NXPH1: variants seen among roughly 807,000 people sequenced by gnomAD.
The protein encoded by NXPH1 is neurexophilin-1.
Under a neutral mutation model 23.7 loss-of-function variants are expected in NXPH1, and 5 were observed. That is an observed-to-expected ratio of 0.21 (90% confidence interval 0.11 to 0.44). The LOEUF (loss-of-function observed/expected upper bound fraction) is 0.44, where lower values mean the gene tolerates loss of function less well. Ranked by LOEUF, NXPH1 falls within the 20% of genes least tolerant of loss-of-function variation. The pLI, the probability that NXPH1 is intolerant of heterozygous loss-of-function variation, is 0.99. For synonymous variants in NXPH1, 144 were observed against 122.2 expected, an observed-to-expected ratio of 1.18 and a Z score of -1.18; for missense variants, 324 against 321.6, an observed-to-expected ratio of 1.01 and a Z score of -0.06.
At chr7:8,720,420 A>G (rs1562464735) in intron 2 of NXPH1, among the ~76,000 whole-genome samples, 1 of 152,208 alleles carries the variant, frequency 6.6e-6, no homozygotes, top group South Asian at 2.1e-4. Context: ...TGTGGGGATC[A>G]ACCCACTCAC....
At chr7:8,566,479 G>C (rs1413396185) in intron 2 of NXPH1, among the ~76,000 whole-genome samples, 1 of 151,738 alleles carries the variant, frequency 6.6e-6, no homozygotes, top group Non-Finnish European at 1.5e-5. Context: ...AAGTAGTGAG[G>C]ATCTACCTTA....
intron 2 of NXPH1, among the ~76,000 whole-genome samples, chr7:8,658,845 G>A (rs572759095): frequency 6.6e-6 from 1 of 152,146 alleles, no homozygotes; most frequent in Non-Finnish European, 1.5e-5. Flanking sequence ...AGGTAGAATA[G>A]ATGATTTTGG....
chr7:8,685,665 C>G (rs1163692571), intron 2 of NXPH1, among the ~76,000 whole-genome samples: 1 of 151,984 alleles, frequency 6.6e-6, no homozygotes, highest in Non-Finnish European at 1.5e-5. Flanking sequence ...CAAATTTTAG[C>G]TTTCTGAGAA....
chr7:8,445,863 AGTG>A (rs1816395640), intron 2 of NXPH1, among the ~76,000 whole-genome samples: 3 of 152,232 alleles, frequency 2.0e-5, no homozygotes, highest in Admixed American at 2.0e-4. Flanking sequence ...TGTTTATGTC[AGTG>A]TTTTCAGCTA....
chr7:8,617,711 A>C (rs1819775312), intron 2 of NXPH1, among the ~76,000 whole-genome samples: 2 of 152,134 alleles, frequency 1.3e-5, no homozygotes, highest in South Asian at 4.1e-4. Context: ...AGAAAGAACA[A>C]ATAAAACCTA....
intron 2 of NXPH1, among the ~76,000 whole-genome samples, chr7:8,679,354 A>G (rs1821015708): frequency 6.6e-6 from 1 of 152,248 alleles, no homozygotes; most frequent in African/African-American, 2.4e-5. Flanking sequence ...CTAGACAAAT[A>G]TAATTTCAAG....
chr7:8,705,643 G>A (rs1008211155), intron 2 of NXPH1, among the ~76,000 whole-genome samples: 3 of 152,102 alleles, frequency 2.0e-5, no homozygotes, highest in African/African-American at 7.2e-5. Context: ...CCCATATGCG[G>A]TTTCTTTATT....
chr7:8,574,705 C>T (rs986592057), intron 2 of NXPH1, among the ~76,000 whole-genome samples: 1 of 152,138 alleles, frequency 6.6e-6, no homozygotes, highest in Admixed American at 6.6e-5. Flanking sequence ...GTTTCAAATT[C>T]AACTTGATCT....
At chr7:8,589,219 A>G (rs919764737) in intron 2 of NXPH1, among the ~76,000 whole-genome samples, 1 of 152,118 alleles carries the variant, frequency 6.6e-6, no homozygotes, top group South Asian at 2.1e-4. Context: ...AAAGTATAAG[A>G]TGAAAATGGA....
At chr7:8,665,185 G>A (rs1284319996) in intron 2 of NXPH1, among the ~76,000 whole-genome samples, 1 of 151,888 alleles carries the variant, frequency 6.6e-6, no homozygotes, top group East Asian at 1.9e-4. Flanking sequence ...TCCATTTTAA[G>A]TTGATTTTTG....
At chr7:8,484,055 C>T (rs1020088706) in intron 2 of NXPH1, among the ~76,000 whole-genome samples, 9 of 150,198 alleles carry the variant, frequency 6.0e-5, no homozygotes, top group Non-Finnish European at 1.0e-4. Flanking sequence ...CTTCAGTAAG[C>T]CTTGAATCTT....
At position 8,435,373 on chromosome 7, in the gene NXPH1, G is replaced by C. The variant is rs1584152496; in HGVS notation, c.-110-231G>C. 5 of 391,474 alleles carry C rather than the reference G, an allele frequency of 1.3e-5. No individual in the cohort carries two copies. Among genetic ancestry groups the C allele is most frequent in the South Asian group, 5.6e-5 (2 of 35,800 alleles). 24.3% of individuals were successfully genotyped at this position (391,474 alleles called of 1,614,324 possible). ...GGGAACTCGCACCCGAGGAGCGCAGGGGGCAAGGAGCCCCTCACCCTCCCT... is the reference window on the plus strand; with the variant it reads ...GGGAACTCGCACCCGAGGAGCGCAGCGGGCAAGGAGCCCCTCACCCTCCCT... On this transcript the variant is annotated intron_variant, in intron 1 of 2. Transcript: ENST00000405863. This position sits in a 1 kb window ranked among gnomAD's most constrained non-coding sequence, Gnocchi z 5.9.
At chr7:8,459,730 C>T (rs1196611295) in intron 2 of NXPH1, among the ~76,000 whole-genome samples, 4 of 152,072 alleles carry the variant, frequency 2.6e-5, no homozygotes, top group Admixed American at 6.5e-5. Flanking sequence ...TAAGGAAAAT[C>T]TAGGGGAAAA....
At chr7:8,551,225 A>T (rs1396159157) in intron 2 of NXPH1, among the ~76,000 whole-genome samples, 1 of 151,516 alleles carries the variant, frequency 6.6e-6, no homozygotes, top group Non-Finnish European at 1.5e-5. Context: ...ACTATTTGTC[A>T]TCTGTGTTTC....
chr7:8,512,505 G>T (rs1233775011), intron 2 of NXPH1, among the ~76,000 whole-genome samples: 1 of 151,976 alleles, frequency 6.6e-6, no homozygotes, highest in Non-Finnish European at 1.5e-5. Flanking sequence ...TTTTGGTAGG[G>T]GATATTTGAG....
intron 2 of NXPH1, among the ~76,000 whole-genome samples, chr7:8,575,982 G>A (rs1818747079): frequency 6.6e-6 from 1 of 152,090 alleles, no homozygotes; most frequent in South Asian, 2.1e-4. Flanking sequence ...AAGATTATTA[G>A]AGAGATTTTA....
chr7:8,697,903 AT>A (rs1779560438), intron 2 of NXPH1, among the ~76,000 whole-genome samples: 1 of 152,204 alleles, frequency 6.6e-6, no homozygotes, highest in African/African-American at 2.4e-5. Context: ...GATCACAGAG[AT>A]GACTCCTATA....
At chr7:8,644,484 C>T (rs1253468411) in intron 2 of NXPH1, among the ~76,000 whole-genome samples, 1 of 152,070 alleles carries the variant, frequency 6.6e-6, no homozygotes, top group Non-Finnish European at 1.5e-5. Context: ...TCTTTATTCT[C>T]TTGTCTAGAA....
chr7:8,686,676 C>T (rs745664381), intron 2 of NXPH1, among the ~76,000 whole-genome samples: 1 of 152,094 alleles, frequency 6.6e-6, no homozygotes, highest in Non-Finnish European at 1.5e-5. Context: ...AGACAAGTGG[C>T]ATTATTTCAT....
Sources: allele counts gnomAD v4.1 joint callset (sites outside exome capture counted in the v4.1 genomes callset), GRCh38; gene constraint gnomAD v4.1.1; non-coding constraint Gnocchi (gnomAD v3.1); transcripts MANE v1.5; gene names NCBI Gene and HGNC (gene_info 2026-07-23, HGNC 2026-07-21).